Variants in DAAM1 observed in about 807,000 individuals in gnomAD.
DAAM1 encodes the protein disheveled-associated activator of morphogenesis 1.
Under a neutral mutation model 130.0 loss-of-function variants are expected in DAAM1, and 52 were observed. That is an observed-to-expected ratio of 0.40 (90% CI 0.32 to 0.50). The LOEUF (loss-of-function observed/expected upper bound fraction) is 0.50, where lower values mean the gene tolerates loss of function less well. Ranked by LOEUF, DAAM1 falls within the 20% of genes least tolerant of loss-of-function variation. The probability of loss-of-function intolerance (pLI) is 0.61; values close to 1 mark genes in which losing one functional copy is unlikely to be tolerated. For synonymous variants in DAAM1, 452 were observed against 444.5 expected, an observed-to-expected ratio of 1.02 and a Z score of -0.21; for missense variants, 1,134 against 1,303.8, an observed-to-expected ratio of 0.87 and a Z score of 2.01.
intron 3 of DAAM1, among the ~76,000 whole-genome samples, chr14:59,292,201 G>A (rs74748336): frequency 0.065 from 9,919 of 152,232 alleles, 422 homozygotes; most frequent in Non-Finnish European, 0.097. Flanking sequence ...GAAGGTCAAG[G>A]CTAGCACCTA....
rs1368728464 is a variant in DAAM1 at position 59,274,074 on chromosome 14, A to G, written c.183+10414A>G. On this transcript the variant is annotated intron_variant, in intron 2 of 24. Coordinates refer to ENST00000360909, the MANE Select transcript of DAAM1 (RefSeq NM_001270520.2). ...TGTTACAAGAGCTCAGTGACCAGCT[A>G]TATCTTTTAGTTATGATTTTCGGGC... Among the ~76,000 whole-genome samples, 3 of 152,150 alleles carry G rather than the reference A, an allele frequency of 2.0e-5. No individual in the cohort carries two copies. In the South Asian group the frequency reaches 6.2e-4, roughly 32 times the overall value.
At chr14:59,207,575 TG>T (rs1888299932) in intron 1 of DAAM1, among the ~76,000 whole-genome samples, 1 of 152,204 alleles carries the variant, frequency 6.6e-6, no homozygotes, top group Non-Finnish European at 1.5e-5. Flanking sequence ...GACTTCATCG[TG>T]GGTATTAAAG....
intron 15 of DAAM1, among the ~76,000 whole-genome samples, chr14:59,335,926 A>T (rs1885609855): frequency 6.6e-6 from 1 of 151,948 alleles, no homozygotes; most frequent in East Asian, 1.9e-4. Context: ...TAATTTTCAC[A>T]TTGAAAAATG....
At chr14:59,243,679 G>T (rs1881228757) in intron 1 of DAAM1, among the ~76,000 whole-genome samples, 1 of 152,180 alleles carries the variant, frequency 6.6e-6, no homozygotes, top group South Asian at 2.1e-4. Context: ...GCAATCCTAG[G>T]GTTTGCCTTA....
At chr14:59,290,376 C>T (rs1195653130) in intron 2 of DAAM1, among the ~76,000 whole-genome samples, 2 of 152,196 alleles carry the variant, frequency 1.3e-5, no homozygotes, top group African/African-American at 4.8e-5. Context: ...AAACACGACT[C>T]CACTATTTGC....
At chr14:59,270,526 C>T (rs1170390179) in intron 2 of DAAM1, among the ~76,000 whole-genome samples, 1 of 152,114 alleles carries the variant, frequency 6.6e-6, no homozygotes, top group Non-Finnish European at 1.5e-5. Flanking sequence ...GGCCCCACCT[C>T]CAATATTGGG....
chr14:59,287,299 C>CA (rs570162669), intron 2 of DAAM1, among the ~76,000 whole-genome samples: 9 of 152,094 alleles, frequency 5.9e-5, no homozygotes, highest in Non-Finnish European at 1.2e-4. Flanking sequence ...TAGCAAGAGC[C>CA]ATCTATGACA....
chr14:59,215,941 T>G (rs1035348003), intron 1 of DAAM1, among the ~76,000 whole-genome samples: 2 of 152,198 alleles, frequency 1.3e-5, no homozygotes, highest in African/African-American at 4.8e-5. Context: ...TTCCTCTCAT[T>G]TTTATTCTTG....
intron 1 of DAAM1, among the ~76,000 whole-genome samples, chr14:59,259,085 G>A (rs17095967): frequency 0.25 from 38,294 of 152,082 alleles, 5,228 homozygotes; most frequent in East Asian, 0.49. Flanking sequence ...CCTCCTCAGT[G>A]CAGCCAGAAT....
At chr14:59,217,544 T>C (rs958878891) in intron 1 of DAAM1, among the ~76,000 whole-genome samples, 2 of 152,144 alleles carry the variant, frequency 1.3e-5, no homozygotes, top group Non-Finnish European at 1.5e-5. Flanking sequence ...TTATAATTAA[T>C]TAAAGTTAAG....
chr14:59,286,794 A>G (rs28895694), intron 2 of DAAM1, among the ~76,000 whole-genome samples: 1,872 of 152,228 alleles, frequency 0.012, 47 homozygotes, highest in African/African-American at 0.043. Context: ...AATACAAAAA[A>G]ATACCTACCA....
At chr14:59,195,837 T>C (rs771115866) in intron 1 of DAAM1, among the ~76,000 whole-genome samples, 3 of 152,190 alleles carry the variant, frequency 2.0e-5, no homozygotes, top group Non-Finnish European at 4.4e-5. Flanking sequence ...TGCCTTGTTT[T>C]GGAGCCACAA....
Position 59,363,778 on chromosome 14 carries a change from A to C in DAAM1, c.2822A>C (p.Asp941Ala). The change falls in exon 23 of 25, where the codon GAC (aspartate) becomes GCC (alanine). Residue 941 changes from aspartate to alanine, a missense_variant. By Grantham distance (126) the Asp-to-Ala change is moderately radical (BLOSUM62 -2). Transcript: ENST00000360909. ...GAAGACCTTCTAGCAGAAGCTAAAG[A>C]CCTGGTAAGTTTCCCCCTTGTGCAC... is the stretch of plus-strand genomic sequence containing the variant. The part of the protein sequence containing the change: ...DVEDLLAEAK[D>A]LFTKAVKHFG... 1 of 1,613,808 alleles carries C rather than the reference A, an allele frequency of 6.2e-7. No individual in the cohort carries two copies. Among genetic ancestry groups the C allele is most frequent in the Non-Finnish European group, 8.5e-7 (1 of 1,179,926 alleles).
intron 18 of DAAM1, among the ~76,000 whole-genome samples, chr14:59,353,477 T>C (rs1886363346): frequency 6.6e-6 from 1 of 152,260 alleles, no homozygotes; most frequent in Non-Finnish European, 1.5e-5. Context: ...TGTACGGAAC[T>C]GTCCTTTATT....
At chr14:59,251,037 T>A (rs1433362377) in intron 1 of DAAM1, among the ~76,000 whole-genome samples, 3 of 152,236 alleles carry the variant, frequency 2.0e-5, no homozygotes, top group Non-Finnish European at 1.5e-5. Flanking sequence ...AAAATACCCA[T>A]GCCTGGGCCC....
chr14:59,234,348 C>T (rs574349148), intron 1 of DAAM1, among the ~76,000 whole-genome samples: 96 of 152,232 alleles, frequency 6.3e-4, no homozygotes, highest in Non-Finnish European at 1.3e-3. Flanking sequence ...CCTTCACGTC[C>T]TTTGTCAGCT....
chr14:59,199,117 A>G (rs896412007), intron 1 of DAAM1, among the ~76,000 whole-genome samples: 4 of 152,160 alleles, frequency 2.6e-5, no homozygotes, highest in African/African-American at 9.7e-5. Context: ...TGGTGTCCTG[A>G]GATCCTGTTC....
At chr14:59,200,950 A>C (rs1016922536) in intron 1 of DAAM1, among the ~76,000 whole-genome samples, 3 of 152,072 alleles carry the variant, frequency 2.0e-5, no homozygotes, top group Admixed American at 2.0e-4. Context: ...TCACGAGGTC[A>C]GGAGATCGAG....
chr14:59,193,320 T>G (rs2139379081), intron 1 of DAAM1, among the ~76,000 whole-genome samples: 1 of 152,276 alleles, frequency 6.6e-6, no homozygotes, highest in East Asian at 1.9e-4. Flanking sequence ...AGTGTGGATC[T>G]GAAGTTCACC....
Sources: gnomAD v4.1 joint callset for allele counts (sites outside exome capture counted in the v4.1 genomes callset) on GRCh38, gnomAD v4.1.1 for gene constraint, MANE v1.5 for transcripts, NCBI Gene and HGNC (gene_info 2026-07-23, HGNC 2026-07-21) for gene names.